The following TTC1 variants were observed in gnomAD, a reference collection of about 807,000 sequenced individuals.
TTC1 encodes tetratricopeptide repeat domain 1.
In TTC1, 31 loss-of-function variants were observed where a neutral mutation model predicts 37.6. That is an observed-to-expected ratio of 0.82 (90% CI 0.62 to 1.11). The LOEUF is 1.11. Among genes scored for constraint, TTC1 ranks in the 50% most tolerant of loss-of-function variants. The pLI is 0.00. For synonymous variants in TTC1, 127 were observed against 122.4 expected, an observed-to-expected ratio of 1.04 and a Z score of -0.25; for missense variants, 351 against 339.0, an observed-to-expected ratio of 1.04 and a Z score of -0.28.
chr5:160,023,580 T>C (rs1756750515), intron 2 of TTC1, among the ~76,000 whole-genome samples: 1 of 152,194 alleles, frequency 6.6e-6, no homozygotes, highest in African/African-American at 2.4e-5. Flanking sequence ...GTAACTCTGC[T>C]TACCTTTTTA....
chr5:160,022,734 G>T (rs1429253692), intron 2 of TTC1, among the ~76,000 whole-genome samples: 2 of 152,202 alleles, frequency 1.3e-5, no homozygotes, highest in East Asian at 3.9e-4. Context: ...ATCCTAACTA[G>T]TATTTACAGT....
chr5:160,029,708 C>G (rs907345272), intron 2 of TTC1, among the ~76,000 whole-genome samples: 7 of 152,054 alleles, frequency 4.6e-5, no homozygotes, highest in Non-Finnish European at 1.0e-4. Context: ...ATACAAAGTA[C>G]AAAGTACAAA....
intron 2 of TTC1, among the ~76,000 whole-genome samples, chr5:160,014,537 A>C (rs1177068571): frequency 6.6e-6 from 1 of 151,858 alleles, no homozygotes; most frequent in Admixed American, 6.6e-5. Context: ...AAAATTTTTT[A>C]AAAAGCCTTT....
intron 2 of TTC1, among the ~76,000 whole-genome samples, chr5:160,018,987 C>T (rs1046218136): frequency 1.3e-5 from 2 of 152,108 alleles, no homozygotes; most frequent in Non-Finnish European, 2.9e-5. Context: ...GATGGTGTGG[C>T]CTTTATTAAT....
At chr5:160,018,830 T>C (rs1756651824) in intron 2 of TTC1, among the ~76,000 whole-genome samples, 1 of 152,176 alleles carries the variant, frequency 6.6e-6, no homozygotes. Flanking sequence ...CCAGTGAAGA[T>C]GATAGTAGCT....
At chr5:160,010,899 T>G in intron 2 of TTC1, 41 bp downstream of exon 2, 2 of 1,560,284 alleles carry the variant, frequency 1.3e-6, no homozygotes, top group Non-Finnish European at 1.7e-6. Context: ...CCACTTACAC[T>G]GCATTTTAAA....
intron 2 of TTC1, among the ~76,000 whole-genome samples, chr5:160,027,518 TAAAG>T (rs901530715): frequency 1.1e-4 from 16 of 152,186 alleles, no homozygotes; most frequent in African/African-American, 3.9e-4. Context: ...TTAAAGAAAT[TAAAG>T]AAGAGAGAAA....
rs545731603 is a variant in TTC1, at chr5:160,012,393, C to G, written c.330+1535C>G. ...ATTTTTTTTTTTTTTAAGACAGGATCTCACTGTGTCATCCAGGCTGGAGTG... is the reference window on the plus strand; with the variant it reads ...ATTTTTTTTTTTTTTAAGACAGGATGTCACTGTGTCATCCAGGCTGGAGTG... On this transcript the variant is annotated intron_variant, in intron 2 of 7. Transcript: ENST00000231238. Among the ~76,000 whole-genome samples, 52 of 151,038 alleles carry G rather than the reference C, an allele frequency of 3.4e-4. No individual in the cohort carries two copies. In the Middle Eastern group the frequency reaches 0.017, roughly 50 times the overall value.
At chr5:160,012,766 G>C (rs1756523975) in intron 2 of TTC1, among the ~76,000 whole-genome samples, 1 of 152,114 alleles carries the variant, frequency 6.6e-6, no homozygotes, top group Non-Finnish European at 1.5e-5. Context: ...ATATAATTTA[G>C]TGAAACTGTA....
At chr5:160,044,502 TCCCTC>T (rs1164986550) in intron 5 of TTC1, among the ~76,000 whole-genome samples, 1 of 152,144 alleles carries the variant, frequency 6.6e-6, no homozygotes, top group Non-Finnish European at 1.5e-5. Flanking sequence ...GAACTGAGGG[TCCCTC>T]CCCTTTTTAG....
chr5:160,019,730 G>A lies in TTC1; in HGVS notation c.330+8872G>A, dbSNP rs534750712. The stretch of plus-strand genomic sequence containing the variant: ...CTCCCGAGTAGCTGGGGCTACAGGC[G>A]TGTGCCACCACACCCAGCTAATTTT... On this transcript the variant is annotated intron_variant, in intron 2 of 7. Coordinates refer to ENST00000231238, the MANE Select transcript of TTC1 (RefSeq NM_003314.3). Among the ~76,000 whole-genome samples the A allele has an allele frequency of 1.3e-4, 20 of 151,712 alleles. No homozygotes were observed. In the South Asian group the frequency reaches 1.7e-3, roughly 13 times the overall value.
At chr5:160,042,018 C>T (rs1428947950) in intron 4 of TTC1, among the ~76,000 whole-genome samples, 6 of 152,144 alleles carry the variant, frequency 3.9e-5, no homozygotes, top group Admixed American at 1.3e-4. Flanking sequence ...CAATCTCCAC[C>T]TCCTGGTTTC....
intron 7 of TTC1, among the ~76,000 whole-genome samples, chr5:160,060,179 C>T (rs1757659933): frequency 6.6e-6 from 1 of 152,158 alleles, no homozygotes; most frequent in Non-Finnish European, 1.5e-5. Flanking sequence ...AGGAGAAAGT[C>T]CCAAAGGAGC....
At position 160,036,807 on chromosome 5, in the gene TTC1, T is replaced by C; in HGVS notation, c.504+4T>C. The C allele has an allele frequency of 6.3e-7, 1 of 1,599,188 alleles. No homozygotes were observed. Among genetic ancestry groups the C allele is most frequent in the South Asian group, 1.1e-5 (1 of 90,802 alleles). On this transcript the variant is annotated splice_donor_region_variant and intron_variant, in intron 4 of 7. Transcript: ENST00000231238. ...AGCTGCAGCAAGGATGAAACAGGTA[T>C]GTATCTGTGACCTTTTCTTTTTAAA...
At chr5:160,061,168 C>T (rs1409866509) in intron 7 of TTC1, among the ~76,000 whole-genome samples, 1 of 152,244 alleles carries the variant, frequency 6.6e-6, no homozygotes, top group African/African-American at 2.4e-5. Flanking sequence ...CTGCCTATCT[C>T]TGTGCATTGG....
chr5:160,037,149 T>G (rs1757011572), intron 4 of TTC1, among the ~76,000 whole-genome samples: 1 of 152,152 alleles, frequency 6.6e-6, no homozygotes. Flanking sequence ...TAGATAAACA[T>G]GCAAAGGCAC....
At position 160,063,343 on chromosome 5, in the gene TTC1, A is replaced by G. The variant is rs144372095; in HGVS notation, c.746-1589A>G. Among the ~76,000 whole-genome samples the G allele has an allele frequency of 8.0e-4, 122 of 152,260 alleles. 2 individuals carry two copies. The highest frequency in any genetic ancestry group is 2.9e-3 in the African/African-American group (120 of 41,552). ...GCAATCCTCCTAACTCAGCCTCTGCATAGCTGTGACAACAGGTGTGTGCCA... is the reference window on the plus strand; with the variant it reads ...GCAATCCTCCTAACTCAGCCTCTGCGTAGCTGTGACAACAGGTGTGTGCCA... On this transcript the variant is annotated intron_variant, in intron 7 of 7. Transcript: ENST00000231238.
At chr5:160,020,172 G>T (rs190775502) in intron 2 of TTC1, among the ~76,000 whole-genome samples, 4 of 152,012 alleles carry the variant, frequency 2.6e-5, no homozygotes, top group South Asian at 2.1e-4. Flanking sequence ...CAAGTGATCC[G>T]CCCGCCCCAG....
chr5:160,035,540 G>A (rs944949490), intron 3 of TTC1, among the ~76,000 whole-genome samples: 5 of 152,252 alleles, frequency 3.3e-5, no homozygotes, highest in South Asian at 2.1e-4. Context: ...AAGCAGAGTC[G>A]CCGCTCCTCA....
Sources: allele counts gnomAD v4.1 joint callset (sites outside exome capture counted in the v4.1 genomes callset), GRCh38; gene constraint gnomAD v4.1.1; transcripts MANE v1.5; gene names NCBI Gene and HGNC (gene_info 2026-07-23, HGNC 2026-07-21).